Variants in IGSF11 observed in about 807,000 individuals in gnomAD.
The protein encoded by IGSF11 is CXADR like 1.
Under a neutral mutation model 41.0 loss-of-function variants are expected in IGSF11, and 22 were observed. That is an observed-to-expected ratio of 0.54 (90% CI 0.38 to 0.77). IGSF11 has a LOEUF of 0.77. IGSF11 is among the 30% of genes least tolerant of loss of function. The pLI is 0.00. For synonymous variants in IGSF11, 219 were observed against 201.3 expected, an observed-to-expected ratio of 1.09 and a Z score of -0.74; for missense variants, 444 against 530.8, an observed-to-expected ratio of 0.84 and a Z score of 1.61.
At chr3:118,972,832 A>G (rs1021862815) in intron 1 of IGSF11, among the ~76,000 whole-genome samples, 1 of 152,248 alleles carries the variant, frequency 6.6e-6, no homozygotes, top group Non-Finnish European at 1.5e-5. Context: ...CATTTTCAAT[A>G]AAGAATTAAC....
chr3:119,139,601 A>G lies in IGSF11; in HGVS notation c.-14+6212T>C, dbSNP rs115039257. 2.5e-3 allele frequency among the ~76,000 whole-genome samples: 375 copies of G among 152,310 alleles called. 1 individual carries two copies. Among genetic ancestry groups the G allele is most frequent in the African/African-American group, 8.7e-3 (362 of 41,564 alleles). On this transcript the variant is annotated intron_variant, in intron 1 of 7. Coordinates refer to the IGSF11 transcript ENST00000425327. ...GACTTGCTCTTCCTTGCCTTCTGCC[A>G]TGAGTGTGAGACCTCCCCAGTCACA...
intron 1 of IGSF11, among the ~76,000 whole-genome samples, chr3:119,003,142 A>C (rs1421926894): frequency 8.4e-4 from 116 of 137,376 alleles, no homozygotes; most frequent in Non-Finnish European, 1.0e-3. Flanking sequence ...ATCCTCTTTT[A>C]TTTCATTGAG....
chr3:119,113,082 T>A (rs571398671), intron 1 of IGSF11, among the ~76,000 whole-genome samples: 66 of 152,252 alleles, frequency 4.3e-4, no homozygotes, highest in Non-Finnish European at 8.4e-4. Flanking sequence ...AAGAGAGAAG[T>A]CTGCCCCACG....
intron 4 of IGSF11, among the ~76,000 whole-genome samples, chr3:118,906,311 C>T (rs540112781): frequency 7.0e-4 from 107 of 152,128 alleles, no homozygotes; most frequent in African/African-American, 2.4e-3. Context: ...CCTCAGACTT[C>T]GGTGTAGATC....
rs780864166 is a variant in IGSF11, at chr3:118,905,553, A to G, written c.703+43T>C. The G allele has an allele frequency of 1.9e-6, 3 of 1,607,214 alleles. No homozygotes were observed. In the South Asian group the frequency reaches 3.3e-5, roughly 18 times the overall value. ...TTTTCTGGTATAACAAAGATCTTAG[A>G]GTTTCAGACCCATGGTTGACATCAG... On this transcript the variant is annotated intron_variant, in intron 5 of 6. Coordinates refer to ENST00000393775, the MANE Select transcript of IGSF11 (RefSeq NM_001015887.3).
chr3:119,022,596 G>A (rs1010383505), intron 1 of IGSF11, among the ~76,000 whole-genome samples: 3 of 152,124 alleles, frequency 2.0e-5, no homozygotes, highest in African/African-American at 7.2e-5. Flanking sequence ...ATACCTAAAT[G>A]CTAGTAAAAA....
intron 1 of IGSF11, among the ~76,000 whole-genome samples, chr3:118,993,837 T>C (rs1377463297): frequency 6.6e-6 from 1 of 151,746 alleles, no homozygotes; most frequent in Non-Finnish European, 1.5e-5. Context: ...AGATTAGAGG[T>C]TTCCAAGGAC....
intron 1 of IGSF11, among the ~76,000 whole-genome samples, chr3:119,071,002 G>A (rs1257407724): frequency 6.6e-6 from 1 of 152,170 alleles, no homozygotes; most frequent in Non-Finnish European, 1.5e-5. Flanking sequence ...ATACCCATAT[G>A]AGTAGCACCC....
At chr3:119,137,758 G>C (rs1294956810) in intron 1 of IGSF11, among the ~76,000 whole-genome samples, 1 of 152,006 alleles carries the variant, frequency 6.6e-6, no homozygotes, top group East Asian at 1.9e-4. Flanking sequence ...AAGAAACAAT[G>C]AAGTGAATAG....
rs935449043 is a variant in IGSF11 at position 118,900,706 on chromosome 3, C to T, written c.*1814G>A. 1 of 152,448 alleles carries T rather than the reference C, an allele frequency of 6.6e-6. No individual in the cohort carries two copies. The highest frequency in any genetic ancestry group is 1.5e-5 in the Non-Finnish European group (1 of 68,016). 9.4% of individuals were successfully genotyped at this position (152,448 alleles called of 1,614,324 possible). A position where few individuals can be genotyped will look rare whatever the true frequency, so the allele number is the denominator to read the frequency against. On this transcript the variant is annotated 3_prime_UTR_variant, in exon 7 of 7. Coordinates refer to ENST00000393775, the MANE Select transcript of IGSF11 (RefSeq NM_001015887.3). ...AAATGCAAGATAAATGCTTTCTAAA[C>T]AGCATCTGATAGCATCATCTTTTCA...
chr3:118,991,716 T>A (rs1384698586), intron 1 of IGSF11, among the ~76,000 whole-genome samples: 1 of 152,166 alleles, frequency 6.6e-6, no homozygotes, highest in Non-Finnish European at 1.5e-5. Context: ...CATAAAATTA[T>A]CTCCTAAGAG....
At chr3:119,140,174 AAT>A (rs1420429849) in intron 1 of IGSF11, among the ~76,000 whole-genome samples, 1 of 152,190 alleles carries the variant, frequency 6.6e-6, no homozygotes, top group African/African-American at 2.4e-5. Flanking sequence ...AGATAGTCAG[AAT>A]GGACCCTCCC....
At chr3:118,968,217 T>C (rs1945817336) in intron 1 of IGSF11, among the ~76,000 whole-genome samples, 1 of 152,192 alleles carries the variant, frequency 6.6e-6, no homozygotes, top group Non-Finnish European at 1.5e-5. Flanking sequence ...TTTCTGGATC[T>C]GGGGGAAACC....
At chr3:118,995,513 TA>T (rs1474781360) in intron 1 of IGSF11, among the ~76,000 whole-genome samples, 2 of 152,108 alleles carry the variant, frequency 1.3e-5, no homozygotes, top group African/African-American at 4.8e-5. Context: ...GATCAGTACC[TA>T]AAACAACAAA....
intron 1 of IGSF11, among the ~76,000 whole-genome samples, chr3:118,936,536 T>G (rs1403128720): frequency 6.6e-6 from 1 of 152,016 alleles, no homozygotes; most frequent in Non-Finnish European, 1.5e-5. Flanking sequence ...TAAAACATCT[T>G]ACAATTTGCA....
At chr3:118,946,837 C>A (rs74318673) in intron 1 of IGSF11, among the ~76,000 whole-genome samples, 2,067 of 152,276 alleles carry the variant, frequency 0.014, 59 homozygotes, top group African/African-American at 0.047. Flanking sequence ...CATGGCCGGG[C>A]GCAGTGGCTC....
chr3:119,061,531 G>T (rs1263979140), intron 1 of IGSF11, among the ~76,000 whole-genome samples: 1 of 152,076 alleles, frequency 6.6e-6, no homozygotes, highest in East Asian at 1.9e-4. Flanking sequence ...ATTTCATCAG[G>T]CTCCCCAGAA....
intron 1 of IGSF11, among the ~76,000 whole-genome samples, chr3:119,093,203 C>A (rs779282135): frequency 5.3e-5 from 8 of 152,200 alleles, no homozygotes; most frequent in African/African-American, 1.2e-4. Flanking sequence ...ACAGAAGACA[C>A]TAAAGATTGC....
chr3:118,955,365 T>G (rs9854240), intron 1 of IGSF11, among the ~76,000 whole-genome samples: 10,384 of 151,948 alleles, frequency 0.068, 1,187 homozygotes, highest in African/African-American at 0.24. Context: ...AGTAACTCAG[T>G]AATGGAAAAC....
Sources: gnomAD v4.1 joint callset for allele counts (sites outside exome capture counted in the v4.1 genomes callset) on GRCh38, gnomAD v4.1.1 for gene constraint, MANE v1.5 for transcripts, NCBI Gene and HGNC (gene_info 2026-07-23, HGNC 2026-07-21) for gene names.